ST6GALNAC4: variants seen among roughly 807,000 people sequenced by gnomAD.
ST6GALNAC4 encodes ST6 N-acetylgalactosaminide alpha-2,6-sialyltransferase 4.
ST6GALNAC4 carries 24 observed loss-of-function variants against 30.4 expected under a neutral mutation model. The observed-to-expected ratio is 0.79, with a 90% CI of 0.57 to 1.11. ST6GALNAC4 has a LOEUF of 1.11. Ranked by LOEUF, ST6GALNAC4 falls within the 50% of genes most tolerant of loss-of-function variation. ST6GALNAC4 has a pLI of 0.00. For missense variants in ST6GALNAC4, 365 were observed against 430.1 expected (o/e 0.85, Z 1.34); for synonymous variants, 156 against 179.7 (o/e 0.87, Z 1.05).
Position 127,912,647 on chromosome 9 carries a change from C to A in ST6GALNAC4, c.232G>T (p.Val78Leu). ...AGCATTTGGCCGGAGCTGGACACCA[C>A]GGCACAGCTGCGGCAGGGCTCGCGG... Reference protein sequence around the residue: ...LVREPCRSCAVVSSSGQMLGS... With the variant: ...LVREPCRSCALVSSSGQMLGS... The change falls in exon 4 of 6, where the codon GTG becomes TTG. Residue 78 changes from valine (V) to leucine (L), a missense_variant. Coordinates refer to ENST00000335791, the MANE Select transcript of ST6GALNAC4 (RefSeq NM_175039.4). The A allele has an allele frequency of 6.3e-7, 1 of 1,590,624 alleles. No individual in the cohort carries two copies. The highest frequency in any genetic ancestry group is 8.5e-7 in the Non-Finnish European group (1 of 1,170,476).
chr9:127,909,465 T>C (rs1831024061), intron 5 of ST6GALNAC4, among the ~76,000 whole-genome samples: 1 of 150,748 alleles, frequency 6.6e-6, no homozygotes, highest in African/African-American at 2.4e-5. Context: ...CTTGATATCA[T>C]GCTGGTATTA....
rs1831107223 is a variant in ST6GALNAC4 at position 127,912,660 on chromosome 9, G to T, written c.219C>A (p.Cys73Ter). The T allele has an allele frequency of 6.3e-7, 1 of 1,580,638 alleles. No homozygotes were observed. Among genetic ancestry groups the T allele is most frequent in the African/African-American group, 1.3e-5 (1 of 74,664 alleles). ...AGCTGGACACCACGGCACAGCTGCGGCAGGGCTCGCGGACCAGCGGCTGCA... is the reference window on the plus strand; with the variant it reads ...AGCTGGACACCACGGCACAGCTGCGTCAGGGCTCGCGGACCAGCGGCTGCA... ...PDGKPLVREP[C>*]RSCAVVSSSG... The change falls in exon 4 of 6, where the codon TGC becomes TGA. Residue 73 changes from cysteine (C) to a stop codon, truncating the protein, a stop_gained. Coordinates refer to ENST00000335791, the MANE Select transcript of ST6GALNAC4 (RefSeq NM_175039.4). LOFTEE classifies it high-confidence loss of function.
At chr9:127,914,592 G>A in intron 3 of ST6GALNAC4, 64 bp downstream of exon 3, 2 of 1,423,212 alleles carry the variant, frequency 1.4e-6, no homozygotes, top group Non-Finnish European at 1.9e-6. Flanking sequence ...CCAAGCTCAA[G>A]GTCCGGTTTG....
At chr9:127,912,797 T>C in intron 3 of ST6GALNAC4, 117 bp from the exon 4 acceptor site, 1 of 1,257,456 alleles carries the variant, frequency 8.0e-7, no homozygotes, top group Non-Finnish European at 1.1e-6. Context: ...CTTGAAGGAC[T>C]GTTATGAACC....
At chr9:127,916,078 C>G in intron 2 of ST6GALNAC4, 1 of 463,126 alleles carries the variant, frequency 2.2e-6, no homozygotes, top group Non-Finnish European at 3.9e-6. Context: ...CCAGCTCTCT[C>G]TCTCACAGCC....
rs569258132 is a variant in ST6GALNAC4 at position 127,917,018 on chromosome 9, G to C, written c.-268C>G. 2.0e-5 allele frequency: 3 copies of C among 153,066 alleles called. No homozygotes were observed. Among genetic ancestry groups the C allele is most frequent in the Admixed American group, 1.3e-4 (2 of 15,294 alleles). 9.5% of individuals were successfully genotyped at this position (153,066 alleles called of 1,614,324 possible). On this transcript the variant is annotated 5_prime_UTR_variant, in exon 1 of 6. It adds an upstream start codon to the 5' untranslated region. Coordinates refer to ENST00000335791, the MANE Select transcript of ST6GALNAC4 (RefSeq NM_175039.4). ...GGCCGGGCCGACTGGGCTGGAAGCT[G>C]ATCCGCGCGGCCAGAGGCAGGGGGC...
intron 3 of ST6GALNAC4, 50 bp from the exon 4 acceptor site, chr9:127,912,730 T>C (rs1429002073): frequency 2.0e-6 from 3 of 1,481,668 alleles, no homozygotes; most frequent in Non-Finnish European, 2.7e-6. Context: ...ACACGCAGCT[T>C]ACACCCCCTG....
chr9:127,910,102 C>T (rs201257354), intron 4 of ST6GALNAC4, 44 bp from the exon 5 acceptor site: 8 of 1,602,390 alleles, frequency 5.0e-6, no homozygotes, highest in Middle Eastern at 1.7e-4. Context: ...AACAAGAGGC[C>T]ATGTGGTAGC....
At chr9:127,914,193 G>A (rs947892729) in intron 3 of ST6GALNAC4, among the ~76,000 whole-genome samples, 9 of 151,732 alleles carry the variant, frequency 5.9e-5, no homozygotes, top group South Asian at 2.1e-4. Flanking sequence ...TTGGGAGTTC[G>A]AGACCAGCCT....
intron 3 of ST6GALNAC4, 102 bp from the exon 4 acceptor site, chr9:127,912,782 A>G (rs1180444901): frequency 4.7e-5 from 65 of 1,375,326 alleles, no homozygotes; most frequent in Non-Finnish European, 5.5e-5. Flanking sequence ...TTGATCAGGT[A>G]TCGGCTTGAA....
At chr9:127,912,223 GC>G in intron 4 of ST6GALNAC4, 44 bp downstream of exon 4, 1 of 1,564,242 alleles carries the variant, frequency 6.4e-7, no homozygotes, top group Non-Finnish European at 8.7e-7. Flanking sequence ...GAGAAGGAAG[GC>G]CCCAGCTGCC....
chr9:127,916,681 C>G, intron 1 of ST6GALNAC4, 145 bp downstream of exon 1: 1 of 568,698 alleles, frequency 1.8e-6, no homozygotes, highest in Admixed American at 3.1e-5. Flanking sequence ...GAATCAGCGA[C>G]GTTTGCGAGA....
At chr9:127,911,053 G>A (rs1831064161) in intron 4 of ST6GALNAC4, among the ~76,000 whole-genome samples, 1 of 152,176 alleles carries the variant, frequency 6.6e-6, no homozygotes, top group South Asian at 2.1e-4. Flanking sequence ...ATTCCAGGGA[G>A]AGGGAACAGC....
At chr9:127,914,113 GGGCGGGCGT>G (rs1406621194) in intron 3 of ST6GALNAC4, among the ~76,000 whole-genome samples, 18 of 151,584 alleles carry the variant, frequency 1.2e-4, no homozygotes, top group African/African-American at 4.1e-4. Flanking sequence ...AACATTTCTT[GGGCGGGCGT>G]GGTGGCTCAT....
intron 4 of ST6GALNAC4, 109 bp from the exon 5 acceptor site, chr9:127,910,167 C>G (rs1831045018): frequency 6.8e-7 from 1 of 1,478,280 alleles, no homozygotes. Flanking sequence ...GCACCTCAAC[C>G]TCTTGCGGGG....
At chr9:127,915,314 T>C (rs1831172708) in intron 2 of ST6GALNAC4, among the ~76,000 whole-genome samples, 1 of 152,066 alleles carries the variant, frequency 6.6e-6, no homozygotes, top group South Asian at 2.1e-4. Context: ...TAAAGTGCTG[T>C]GCACATGACA....
At chr9:127,912,786 G>A in intron 3 of ST6GALNAC4, 106 bp from the exon 4 acceptor site, 1 of 1,348,216 alleles carries the variant, frequency 7.4e-7, no homozygotes, top group Non-Finnish European at 9.8e-7. Context: ...TCAGGTATCG[G>A]CTTGAAGGAC....
At chr9:127,913,245 C>T (rs906466564) in intron 3 of ST6GALNAC4, among the ~76,000 whole-genome samples, 1 of 152,260 alleles carries the variant, frequency 6.6e-6, no homozygotes, top group African/African-American at 2.4e-5. Flanking sequence ...AGCCAAGTCA[C>T]CGGCCTCTGT....
intron 4 of ST6GALNAC4, chr9:127,910,364 T>C (rs1249541155): frequency 4.3e-6 from 5 of 1,150,978 alleles, no homozygotes; most frequent in Non-Finnish European, 5.4e-6. Flanking sequence ...CCACGTCCTC[T>C]CCTCATCTAA....
Sources: allele counts gnomAD v4.1 joint callset (sites outside exome capture counted in the v4.1 genomes callset), GRCh38; gene constraint gnomAD v4.1.1; transcripts MANE v1.5; gene names NCBI Gene and HGNC (gene_info 2026-07-23, HGNC 2026-07-21).